The following COBL variants were observed in gnomAD, a reference collection of about 807,000 sequenced individuals.
The protein encoded by COBL is cordon-bleu WH2 repeat protein, also known as protein cordon-bleu.
In COBL, 51 loss-of-function variants were observed where a neutral mutation model predicts 98.8. That is an observed-to-expected ratio of 0.52 (90% CI 0.41 to 0.65). COBL has a LOEUF of 0.65. Among genes scored for constraint, COBL ranks in the 30% least tolerant of loss-of-function variants. The probability of loss-of-function intolerance (pLI) is 0.00; values close to 1 mark genes in which losing one functional copy is unlikely to be tolerated. For synonymous variants in COBL, 634 were observed against 651.7 expected, an observed-to-expected ratio of 0.97 and a Z score of 0.41; for missense variants, 1,617 against 1,617.5, an observed-to-expected ratio of 1.00 and a Z score of 0.01.
chr7:51,098,832 T>C (rs1209244884), intron 6 of COBL, among the ~76,000 whole-genome samples: 2 of 152,036 alleles, frequency 1.3e-5, no homozygotes, highest in African/African-American at 4.8e-5. Context: ...ACCTATAGAA[T>C]GAGAGAAAAT....
intron 5 of COBL, among the ~76,000 whole-genome samples, chr7:51,144,490 CAGATCA>C (rs1412427318): frequency 3.9e-5 from 6 of 152,208 alleles, no homozygotes; most frequent in Non-Finnish European, 4.4e-5. Flanking sequence ...ACCCCGGAGC[CAGATCA>C]AGCATTGGCT....
At chr7:51,243,632 G>A (rs1310673592) in intron 1 of COBL, among the ~76,000 whole-genome samples, 1 of 152,004 alleles carries the variant, frequency 6.6e-6, no homozygotes, top group Admixed American at 6.5e-5. Flanking sequence ...TACGCTGGGT[G>A]AAAAAAAGCA....
chr7:51,074,131 A>G (rs1792826050), intron 7 of COBL, among the ~76,000 whole-genome samples: 4 of 152,156 alleles, frequency 2.6e-5, no homozygotes, highest in African/African-American at 7.2e-5. Context: ...GACTATTGTC[A>G]TAAGAGAATG....
At chr7:51,248,642 A>G (rs1450331057) in intron 1 of COBL, among the ~76,000 whole-genome samples, 1 of 152,140 alleles carries the variant, frequency 6.6e-6, no homozygotes, top group East Asian at 1.9e-4. Context: ...AATGGCACAA[A>G]ATGTCTTTGG....
chr7:51,161,253 A>T (rs1786773596), intron 5 of COBL, among the ~76,000 whole-genome samples: 1 of 152,198 alleles, frequency 6.6e-6, no homozygotes, highest in Non-Finnish European at 1.5e-5. Context: ...TTTGGGCCGC[A>T]TTTGCAAGTT....
intron 6 of COBL, among the ~76,000 whole-genome samples, chr7:51,134,212 C>G (rs1271435098): frequency 1.3e-5 from 2 of 152,212 alleles, no homozygotes; most frequent in East Asian, 3.8e-4. Flanking sequence ...AAATACCTTT[C>G]AGTTTAAAAA....
At position 51,261,644 on chromosome 7, in the gene COBL, T is replaced by C. The variant is rs572579001; in HGVS notation, c.42-41700A>G. Among the ~76,000 whole-genome samples, 76 of 152,200 alleles carry C rather than the reference T, an allele frequency of 5.0e-4. No individual in the cohort carries two copies. The South Asian group carries it at 6.0e-3, about 12-fold the overall frequency. Reference sequence around the variant, plus strand: ...TGGCTGGCCTGTGCACCAAGCCCAGTTGTACAGGCCCTGGAGGTGTTGAAA... The same window carrying C: ...TGGCTGGCCTGTGCACCAAGCCCAGCTGTACAGGCCCTGGAGGTGTTGAAA... On this transcript the variant is annotated intron_variant, in intron 1 of 12. Transcript: ENST00000265136.
At chr7:51,113,437 A>T in intron 6 of COBL, among the ~76,000 whole-genome samples, 1 of 152,258 alleles carries the variant, frequency 6.6e-6, no homozygotes, top group Admixed American at 6.5e-5. Flanking sequence ...ATCTCTCTCC[A>T]ATAATATTCT....
At chr7:51,037,997 G>A (rs559509506) in intron 8 of COBL, among the ~76,000 whole-genome samples, 336 of 152,136 alleles carry the variant, frequency 2.2e-3, no homozygotes, top group Non-Finnish European at 3.5e-3. Context: ...GATTACAGGC[G>A]CCCAACAGCA....
intron 1 of COBL, among the ~76,000 whole-genome samples, chr7:51,296,993 C>T (rs930355539): frequency 2.6e-5 from 4 of 152,152 alleles, no homozygotes; most frequent in African/African-American, 4.8e-5. Flanking sequence ...AAAGGATCAT[C>T]TTTAGCCAAG....
intron 6 of COBL, among the ~76,000 whole-genome samples, chr7:51,129,268 C>T (rs1207123354): frequency 1.3e-5 from 2 of 151,812 alleles, no homozygotes; most frequent in Non-Finnish European, 1.5e-5. Flanking sequence ...TCTGGAGGGC[C>T]GGCTTCCTGC....
rs1231894037 is a variant in COBL at position 51,208,002 on chromosome 7, C to T, written c.245+11739G>A. 4.0e-4 allele frequency among the ~76,000 whole-genome samples: 60 copies of T among 150,470 alleles called. 1 individual carries two copies. Among genetic ancestry groups the T allele is most frequent in the African/African-American group, 1.4e-3 (56 of 40,754 alleles). Reference sequence around the variant, plus strand: ...GAAGTGAGGAGAGCCTCTTCCCGGCCGCCATCCCATCTAGGAAGTGAGGAG... The same window carrying T: ...GAAGTGAGGAGAGCCTCTTCCCGGCTGCCATCCCATCTAGGAAGTGAGGAG... On this transcript the variant is annotated intron_variant, in intron 2 of 12. Transcript: ENST00000265136.
chr7:51,157,828 G>A (rs1046233580), intron 5 of COBL, among the ~76,000 whole-genome samples: 1 of 152,130 alleles, frequency 6.6e-6, no homozygotes, highest in African/African-American at 2.4e-5. Context: ...AGTATGTGAG[G>A]TCATGGATAT....
chr7:51,151,228 A>C (rs1368908241), intron 5 of COBL, among the ~76,000 whole-genome samples: 44 of 152,212 alleles, frequency 2.9e-4, no homozygotes, highest in Admixed American at 2.9e-3. Flanking sequence ...TTTATGTTCA[A>C]GTCCTCTGGC....
intron 6 of COBL, among the ~76,000 whole-genome samples, chr7:51,102,969 T>C (rs1328426434): frequency 6.6e-6 from 1 of 152,152 alleles, no homozygotes; most frequent in Non-Finnish European, 1.5e-5. Flanking sequence ...ATGAATAAGC[T>C]CTAGAGATCC....
intron 6 of COBL, among the ~76,000 whole-genome samples, chr7:51,089,261 C>T (rs1236111307): frequency 6.6e-6 from 1 of 152,108 alleles, no homozygotes; most frequent in East Asian, 1.9e-4. Context: ...TGCCTGTAAT[C>T]CCAGCACTTT....
chr7:51,058,903 C>T (rs1394740304), intron 7 of COBL, among the ~76,000 whole-genome samples: 1 of 152,236 alleles, frequency 6.6e-6, no homozygotes, highest in Non-Finnish European at 1.5e-5. Context: ...CAGGCCGGGG[C>T]TACTGTCTGT....
intron 1 of COBL, among the ~76,000 whole-genome samples, chr7:51,307,643 C>G (rs1310185287): frequency 2.0e-5 from 3 of 152,192 alleles, no homozygotes; most frequent in Admixed American, 2.0e-4. Context: ...AGGAAATATT[C>G]CAAACTGACA....
chr7:51,187,705 A>G (rs1366005566), intron 4 of COBL, among the ~76,000 whole-genome samples: 1 of 152,166 alleles, frequency 6.6e-6, no homozygotes, highest in East Asian at 1.9e-4. Context: ...AAATTCTCCT[A>G]AGAAGCATTC....
Sources: gnomAD v4.1 joint callset for allele counts (sites outside exome capture counted in the v4.1 genomes callset) on GRCh38, gnomAD v4.1.1 for gene constraint, MANE v1.5 for transcripts, NCBI Gene and HGNC (gene_info 2026-07-23, HGNC 2026-07-21) for gene names.